Variants in RHOC observed in about 807,000 individuals in gnomAD.
RHOC encodes ras homolog family member C.
A neutral mutation model predicts 19.5 loss-of-function variants in RHOC; 13 were observed. The ratio of observed to expected loss-of-function variants is 0.67; its 90% CI spans 0.43 to 1.06. The LOEUF is 1.06. Among genes scored for constraint, RHOC ranks in the 50% least tolerant of loss-of-function variants. The pLI, the probability that RHOC is intolerant of heterozygous loss-of-function variation, is 0.00. For missense variants in RHOC, 173 were observed against 256.9 expected (o/e 0.67, Z 2.23); for synonymous variants, 106 against 97.3 (o/e 1.09, Z -0.52).
intron 4 of RHOC, 29 bp from the exon 5 acceptor site, chr1:112,702,722 G>T: frequency 6.2e-7 from 1 of 1,613,270 alleles, no homozygotes; most frequent in Middle Eastern, 1.7e-4. Context: ...ACAGGTGTCG[G>T]TGCCTCCACT....
chr1:112,701,614 C>T lies in RHOC; in HGVS notation c.508G>A (p.Val170Met), dbSNP rs1674633863. Residue 170 changes from valine to methionine, a missense_variant, in exon 6 of 6, where the codon GTG becomes ATG. By Grantham distance (21) the Val-to-Met change is conservative. Around this residue, in one of 2 missense-constraint regions of RHOC, gnomAD observed 81 missense variants for 85.8 expected, o/e 0.94. Transcript: ENST00000339083. ...CCAGCCCGAGTGGCCATCTCAAACACCTCCCGCACTCCCTCCTTGGTCTTG... is the reference window on the plus strand; with the variant it reads ...CCAGCCCGAGTGGCCATCTCAAACATCTCCCGCACTCCCTCCTTGGTCTTG... Reference protein sequence around the residue: ...SAKTKEGVREVFEMATRAGLQ... With the variant: ...SAKTKEGVREMFEMATRAGLQ... The T allele has an allele frequency of 1.2e-6, 2 of 1,614,102 alleles. No homozygotes were observed. Among genetic ancestry groups the T allele is most frequent in the Non-Finnish European group, 1.7e-6 (2 of 1,179,984 alleles).
chr1:112,701,821 T>G, intron 5 of RHOC, 108 bp from the exon 6 acceptor site: 4 of 1,246,240 alleles, frequency 3.2e-6, no homozygotes, highest in Non-Finnish European at 4.6e-6. Context: ...TCTCCAGCCC[T>G]GACCCAGAAA....
chr1:112,703,140 G>C, intron 3 of RHOC, 21 bp from the exon 4 acceptor site: 3 of 1,613,364 alleles, frequency 1.9e-6, no homozygotes, highest in Non-Finnish European at 2.5e-6. Context: ...GGGCCAGTGA[G>C]TAGCTGGCCT....
chr1:112,702,949 C>T (rs760754503), intron 4 of RHOC, 50 bp downstream of exon 4: 49 of 1,610,886 alleles, frequency 3.0e-5, no homozygotes, highest in Non-Finnish European at 3.8e-5. Context: ...GGCACGAGAC[C>T]TCTGGCTGAT....
At chr1:112,705,801 T>C (rs557484013) in intron 1 of RHOC, 10 of 392,000 alleles carry the variant, frequency 2.6e-5, no homozygotes, top group East Asian at 2.2e-4. Context: ...GGGCAATCAC[T>C]ACTGGGGTGA....
chr1:112,703,020 T>C lies in RHOC; in HGVS notation c.256A>G (p.Ile86Val), dbSNP rs1007576553. ...TCACCCAGGCTGTCAGGGCTGTCGA[T>C]GGAGAAGCACATGAGGATGACATCA... is the stretch of plus-strand genomic sequence containing the variant. ...DTDVILMCFS[I>V]DSPDSLENIP... is the part of the protein sequence containing the mutation. The change falls in exon 4 of 6, where the codon ATC (isoleucine) becomes GTC (valine). Residue 86 changes from isoleucine (I) to valine (V), a missense_variant. Physicochemically the swap from Ile to Val is conservative, Grantham distance 29. Around this residue, in one of 2 missense-constraint regions of RHOC, gnomAD observed 92 missense variants for 171.1 expected, o/e 0.54. Coordinates refer to ENST00000339083, the MANE Select transcript of RHOC (RefSeq NM_175744.5). The C allele has an allele frequency of 1.9e-6, 3 of 1,613,860 alleles. No homozygotes were observed. The highest frequency in any genetic ancestry group is 1.3e-5 in the African/African-American group (1 of 74,942).
At chr1:112,702,968 G>A in intron 4 of RHOC, 31 bp downstream of exon 4, 1 of 1,613,632 alleles carries the variant, frequency 6.2e-7, no homozygotes. Context: ...ATTCCAAGGG[G>A]TTCTCAGTCC....
At chr1:112,703,346 G>C (rs1674726208) in intron 3 of RHOC, 1 of 710,536 alleles carries the variant, frequency 1.4e-6, no homozygotes, top group African/African-American at 1.8e-5. Flanking sequence ...CCATTATTTT[G>C]GTTAATTCTC....
upstream of RHOC, chr1:112,707,368 G>A (rs551391540): frequency 1.3e-5 from 2 of 152,738 alleles, no homozygotes; most frequent in Non-Finnish European, 2.9e-5. Flanking sequence ...GGGGGAGCAC[G>A]ACCCGGGTGG....
At chr1:112,703,860 A>C in intron 2 of RHOC, 54 bp from the exon 3 acceptor site, 1 of 1,538,964 alleles carries the variant, frequency 6.5e-7, no homozygotes. Flanking sequence ...GTCCAAAAAC[A>C]CTTCTCTAGG....
At chr1:112,706,453 ACACACACACAC>A (rs1674857237) in intron 1 of RHOC, among the ~76,000 whole-genome samples, 1 of 20,994 alleles carries the variant, frequency 4.8e-5, no homozygotes, top group African/African-American at 1.3e-4. Flanking sequence ...ACACACACAC[ACACACACACAC>A]CACACACACA....
chr1:112,705,804 T>C, intron 1 of RHOC: 1 of 391,314 alleles, frequency 2.6e-6, no homozygotes, highest in South Asian at 1.8e-5. Context: ...CAATCACTAC[T>C]GGGGTGAAAG....
rs1218733531 is a variant in RHOC at position 112,701,187 on chromosome 1, C to T, written c.*353G>A. 6 of 559,866 alleles carry T rather than the reference C, an allele frequency of 1.1e-5. No individual in the cohort carries two copies. Among genetic ancestry groups the T allele is most frequent in the Admixed American group, 3.1e-5 (1 of 32,136 alleles). The allele number at this position is 559,866 out of a possible 1,614,324, so 34.7% of individuals were successfully genotyped here. A position where few individuals can be genotyped will look rare whatever the true frequency, so the allele number is the denominator to read the frequency against. On this transcript the variant is annotated 3_prime_UTR_variant, in exon 6 of 6. Transcript: ENST00000339083. ...TGACCAAATGCAGTGAGAGACAAGG[C>T]CCCTGCCGAAAACAACTCCAGGGGC... is the stretch of plus-strand genomic sequence containing the variant.
Position 112,701,254 on chromosome 1 carries a change from C to T in RHOC, c.*286G>A, listed in dbSNP as rs1255872779. On this transcript the variant is annotated 3_prime_UTR_variant, in exon 6 of 6. Coordinates refer to ENST00000339083, the MANE Select transcript of RHOC (RefSeq NM_175744.5). ...CCTACTGCAGACACTTTCCTGTGAG[C>T]CAGAAGTGTATAAAGTGCTGGTGTG... 2.0e-5 allele frequency: 15 copies of T among 768,626 alleles called. No homozygotes were observed. The highest frequency in any genetic ancestry group is 3.1e-5 in the Non-Finnish European group (15 of 488,858). 47.6% of individuals were successfully genotyped at this position (768,626 alleles called of 1,614,324 possible).
chr1:112,706,447 A>AC (rs1674852977), intron 1 of RHOC, among the ~76,000 whole-genome samples: 1 of 33,520 alleles, frequency 3.0e-5, no homozygotes, highest in African/African-American at 8.7e-5. Flanking sequence ...ACACACACAC[A>AC]CACACACACA....
intron 1 of RHOC, chr1:112,706,401 A>G (rs1202531595): frequency 3.6e-5 from 5 of 138,302 alleles, no homozygotes; most frequent in East Asian, 2.2e-4. Flanking sequence ...AGGATTCTCA[A>G]TCTCATTTTC....
intron 1 of RHOC, chr1:112,705,397 A>C (rs1167745199): frequency 1.7e-6 from 1 of 605,900 alleles, no homozygotes; most frequent in African/African-American, 1.8e-5. Flanking sequence ...ACTGCCCTTT[A>C]GGAAGCGAAT....
intron 1 of RHOC, among the ~76,000 whole-genome samples, chr1:112,706,464 C>CA (rs71084488): frequency 0.1 from 2,290 of 23,008 alleles, 279 homozygotes; most frequent in Non-Finnish European, 0.12. Flanking sequence ...CACACACACA[C>CA]CACACACACA....
At chr1:112,702,447 T>TAGTA in intron 5 of RHOC, 116 bp downstream of exon 5, 1 of 1,115,280 alleles carries the variant, frequency 9.0e-7, no homozygotes, top group South Asian at 1.5e-5. Flanking sequence ...CACCAGGAGA[T>TAGTA]ATTACTGTTT....
Sources: gnomAD v4.1 joint callset for allele counts (sites outside exome capture counted in the v4.1 genomes callset) on GRCh38, gnomAD v4.1.1 for gene constraint, gnomAD v4.1.1 regional missense constraint, MANE v1.5 for transcripts, NCBI Gene and HGNC (gene_info 2026-07-23, HGNC 2026-07-21) for gene names.